Variants in GABARAPL1 observed in about 807,000 individuals in gnomAD.
GABARAPL1 encodes the protein GABA type A receptor associated protein like 1.
A neutral mutation model predicts 14.5 loss-of-function variants in GABARAPL1; 4 were observed. The ratio of observed to expected loss-of-function variants is 0.28; its 90% CI spans 0.14 to 0.63. The LOEUF (loss-of-function observed/expected upper bound fraction) is 0.63. GABARAPL1 is among the 30% of genes least tolerant of loss of function. GABARAPL1 has a pLI of 0.84. For missense variants in GABARAPL1, 82 were observed against 139.2 expected (o/e 0.59, Z 2.07); for synonymous variants, 47 against 50.6 (o/e 0.93, Z 0.30).
chr12:10,217,726 A>T (rs1019089593), intron 1 of GABARAPL1, among the ~76,000 whole-genome samples: 1 of 152,188 alleles, frequency 6.6e-6, no homozygotes, highest in Admixed American at 6.5e-5. Context: ...GTGAGACTTC[A>T]TCTCAAAGAT....
chr12:10,221,884 G>A lies in GABARAPL1; in HGVS notation c.*32G>A, dbSNP rs375519669. On this transcript the variant is annotated 3_prime_UTR_variant, in exon 4 of 4. Transcript: ENST00000266458. ...GGAAGCCCAGCAGATGGGAGCACCTGGACTTGGGGGTAGGGGAGGGGTGTG... is the reference window on the plus strand; with the variant it reads ...GGAAGCCCAGCAGATGGGAGCACCTAGACTTGGGGGTAGGGGAGGGGTGTG... 8 of 1,606,064 alleles carry A rather than the reference G, an allele frequency of 5.0e-6. No individual in the cohort carries two copies. The African/African-American group carries it at 6.7e-5, about 13-fold the overall frequency.
Position 10,222,708 on chromosome 12 carries a change from G to A in GABARAPL1, c.*856G>A, listed in dbSNP as rs1346646626. ...GTATTTTCCATGTATCAGGACAGAG[G>A]TGTCTTATGTAGGGAGGGGGCAAGT... is the stretch of plus-strand genomic sequence containing the variant. On this transcript the variant is annotated 3_prime_UTR_variant, in exon 4 of 4. Transcript: ENST00000266458. 6.6e-6 allele frequency: 1 copy of A among 152,098 alleles called. No individual in the cohort carries two copies. The highest frequency in any genetic ancestry group is 1.5e-5 in the Non-Finnish European group (1 of 68,044). The allele number at this position is 152,098 out of a possible 1,614,324, so 9.4% of individuals were successfully genotyped here.
chr12:10,213,379 G>T (rs185579955), intron 1 of GABARAPL1, 160 bp downstream of exon 1: 1 of 696,370 alleles, frequency 1.4e-6, no homozygotes, highest in Admixed American at 2.0e-5. Flanking sequence ...GCCAATGGAC[G>T]TCCAGACTGT....
At chr12:10,216,827 A>G (rs1341828048) in intron 1 of GABARAPL1, among the ~76,000 whole-genome samples, 1 of 152,206 alleles carries the variant, frequency 6.6e-6, no homozygotes, top group Non-Finnish European at 1.5e-5. Flanking sequence ...GGCATGAGCC[A>G]TTGCGCCCGG....
intron 1 of GABARAPL1, among the ~76,000 whole-genome samples, chr12:10,215,948 A>G (rs935551321): frequency 2.7e-5 from 4 of 150,746 alleles, no homozygotes; most frequent in Admixed American, 6.6e-5. Context: ...AAAAAGTTCA[A>G]ACTCCCCCCC....
At chr12:10,213,521 G>GTT (rs1026332384) in intron 1 of GABARAPL1, 3 of 360,420 alleles carry the variant, frequency 8.3e-6, no homozygotes, top group Non-Finnish European at 1.6e-5. Context: ...CCGTGTGTGG[G>GTT]TTGCGGTGCA....
chr12:10,215,240 A>G (rs1051733236), intron 1 of GABARAPL1, among the ~76,000 whole-genome samples: 2 of 152,196 alleles, frequency 1.3e-5, no homozygotes, highest in Admixed American at 6.5e-5. Context: ...CATTGGTGTT[A>G]TTAAAGCAAT....
At chr12:10,215,895 GTTGT>G (rs1210923954) in intron 1 of GABARAPL1, among the ~76,000 whole-genome samples, 3 of 51,310 alleles carry the variant, frequency 5.8e-5, no homozygotes, top group Non-Finnish European at 2.0e-4. Flanking sequence ...TTTTGTTTTT[GTTGT>G]TTTTTTTTTT....
intron 1 of GABARAPL1, chr12:10,213,557 C>T (rs1949070550): frequency 5.9e-6 from 2 of 338,106 alleles, no homozygotes; most frequent in Admixed American, 4.1e-5. Context: ...GTGGGCGAGA[C>T]TGGTTAGATC....
Position 10,214,129 on chromosome 12 carries a change from G to A in GABARAPL1, c.90+910G>A, listed in dbSNP as rs1565436188. 1.3e-5 allele frequency: 3 copies of A among 226,454 alleles called. 1 individual carries two copies. The South Asian group carries it at 1.5e-4, about 11-fold the overall frequency. The allele number at this position is 226,454 out of a possible 1,614,324, so 14.0% of individuals were successfully genotyped here. A position where few individuals can be genotyped will look rare whatever the true frequency, so the allele number is the denominator to read the frequency against. ...GGCTTAAGTGGTAGGGGGACCAGCAGCTGTTGGATTTTGGAAATGGAGGAG... is the reference window on the plus strand; with the variant it reads ...GGCTTAAGTGGTAGGGGGACCAGCAACTGTTGGATTTTGGAAATGGAGGAG... On this transcript the variant is annotated intron_variant, in intron 1 of 3. Transcript: ENST00000266458.
At chr12:10,221,725 C>T in intron 3 of GABARAPL1, 62 bp from the exon 4 acceptor site, 1 of 1,578,918 alleles carries the variant, frequency 6.3e-7, no homozygotes, top group South Asian at 1.1e-5. Flanking sequence ...GTGTGAGGCT[C>T]AGCATCTTAG....
chr12:10,219,417 G>A (rs929858323), intron 2 of GABARAPL1, among the ~76,000 whole-genome samples: 1 of 151,976 alleles, frequency 6.6e-6, no homozygotes, highest in Non-Finnish European at 1.5e-5. Context: ...CTTCTTGAGA[G>A]GATTATATTT....
chr12:10,214,129 G>T, intron 1 of GABARAPL1: 1 of 226,454 alleles, frequency 4.4e-6, no homozygotes, highest in Non-Finnish European at 9.4e-6. Context: ...GGGACCAGCA[G>T]CTGTTGGATT....
chr12:10,215,986 T>C (rs1194739415), intron 1 of GABARAPL1, among the ~76,000 whole-genome samples: 1 of 152,162 alleles, frequency 6.6e-6, no homozygotes, highest in Non-Finnish European at 1.5e-5. Flanking sequence ...TAATTCTTTA[T>C]AATTTATGAA....
At chr12:10,221,758 C>G (rs758603696) in intron 3 of GABARAPL1, 29 bp from the exon 4 acceptor site, 14 of 1,612,710 alleles carry the variant, frequency 8.7e-6, no homozygotes, top group Non-Finnish European at 1.0e-5. Flanking sequence ...AATATGTTTT[C>G]TAAACTGTTG....
Position 10,213,109 on chromosome 12 carries a change from T to G in GABARAPL1, c.-21T>G. 1 of 1,515,080 alleles carries G rather than the reference T, an allele frequency of 6.6e-7. No homozygotes were observed. Among genetic ancestry groups the G allele is most frequent in the Non-Finnish European group, 9.0e-7 (1 of 1,105,690 alleles). The allele number at this position is 1,515,080 out of a possible 1,614,324, so 93.9% of individuals were successfully genotyped here. ...AGGAGGCAGGCCCCGCGCGGGGATC[T>G]CGGAAGCCCTGCGGTGCATCATGAA... On this transcript the variant is annotated 5_prime_UTR_variant, in exon 1 of 4. Coordinates refer to ENST00000266458, the MANE Select transcript of GABARAPL1 (RefSeq NM_031412.4).
At chr12:10,214,755 G>A (rs1332456545) in intron 1 of GABARAPL1, 2 of 152,182 alleles carry the variant, frequency 1.3e-5, no homozygotes, top group Admixed American at 6.5e-5. Flanking sequence ...TTCCAACCCT[G>A]TCTGAAGGAC....
intron 2 of GABARAPL1, among the ~76,000 whole-genome samples, chr12:10,219,261 G>A: frequency 6.6e-6 from 1 of 151,474 alleles, no homozygotes; most frequent in East Asian, 2.0e-4. Flanking sequence ...AGAGGTTGCA[G>A]TGAGCCGAGA....
At chr12:10,216,806 C>T (rs1949092956) in intron 1 of GABARAPL1, among the ~76,000 whole-genome samples, 1 of 152,176 alleles carries the variant, frequency 6.6e-6, no homozygotes, top group South Asian at 2.1e-4. Flanking sequence ...TCCCAAAGTG[C>T]TGGGATTACA....
Sources: allele counts gnomAD v4.1 joint callset (sites outside exome capture counted in the v4.1 genomes callset), GRCh38; gene constraint gnomAD v4.1.1; transcripts MANE v1.5; gene names NCBI Gene and HGNC (gene_info 2026-07-23, HGNC 2026-07-21).